DCTN5: variants seen among roughly 807,000 people sequenced by gnomAD.
DCTN5 encodes the protein dynactin 4.
A neutral mutation model predicts 23.5 loss-of-function variants in DCTN5; 14 were observed. That is an observed-to-expected ratio of 0.60 (90% CI 0.39 to 0.93). The LOEUF (loss-of-function observed/expected upper bound fraction) is 0.93, where lower values mean the gene tolerates loss of function less well. Among genes scored for constraint, DCTN5 ranks in the 40% least tolerant of loss-of-function variants. The pLI is 0.00. For missense variants in DCTN5, 156 were observed against 225.9 expected, an observed-to-expected ratio of 0.69 and a Z score of 1.98; for synonymous variants, 67 against 79.6, an observed-to-expected ratio of 0.84 and a Z score of 0.84.
rs188280564 is a variant in DCTN5, at chr16:23,650,132, G to A, written c.117+7109G>A. Among the ~76,000 whole-genome samples the A allele has an allele frequency of 2.6e-5, 4 of 152,216 alleles. No individual in the cohort carries two copies. In the East Asian group the frequency reaches 7.7e-4, roughly 29 times the overall value. On this transcript the variant is annotated intron_variant, in intron 2 of 5. Transcript: ENST00000300087. The stretch of plus-strand genomic sequence containing the variant: ...GCAGTATATTTTTAAGTCTGGCAGT[G>A]TGATGCCCCCTTCAGCTGTGTTCTT...
rs572213829 is a variant in DCTN5, at chr16:23,648,920, T to G, written c.117+5897T>G. 2.6e-4 allele frequency among the ~76,000 whole-genome samples: 40 copies of G among 152,212 alleles called. No homozygotes were observed. The East Asian group carries it at 5.8e-3, about 22-fold the overall frequency. On this transcript the variant is annotated intron_variant, in intron 2 of 5. Transcript: ENST00000300087. ...TTGCCCATGCTGGAGTGCAGTGGCG[T>G]GATGTCAGCTCACTGCAACCTCTGC...
rs1450633511 is a variant in DCTN5 at position 23,670,908 on chromosome 16, T to C, written c.*3764T>C. 1 of 152,226 alleles carries C rather than the reference T, an allele frequency of 6.6e-6. No homozygotes were observed. Among genetic ancestry groups the C allele is most frequent in the African/African-American group, 2.4e-5 (1 of 41,452 alleles). The allele number at this position is 152,226 out of a possible 1,614,324, so 9.4% of individuals were successfully genotyped here. ...GAGACACCATCACTCATTTATTCAT[T>C]TAACAAGTGCTTTCCAAGCCACTAC... On this transcript the variant is annotated 3_prime_UTR_variant, in exon 6 of 6. Transcript: ENST00000300087.
At position 23,674,047 on chromosome 16, in the gene DCTN5, C is replaced by G. The variant is rs927210009; in HGVS notation, c.*6903C>G. ...GCCATGCAGCATGCCTTCACTGCTG[C>G]TGAAGAAAAGCAGCTGCTTGTTGAG... On this transcript the variant is annotated 3_prime_UTR_variant, in exon 6 of 6. Transcript: ENST00000300087. 1 of 152,162 alleles carries G rather than the reference C, an allele frequency of 6.6e-6. No homozygotes were observed. Among genetic ancestry groups the G allele is most frequent in the Admixed American group, 6.5e-5 (1 of 15,284 alleles). The allele number at this position is 152,162 out of a possible 1,614,324, so 9.4% of individuals were successfully genotyped here. A position where few individuals can be genotyped will look rare whatever the true frequency, so the allele number is the denominator to read the frequency against.
At chr16:23,657,435 A>G in intron 2 of DCTN5, 1 of 412,184 alleles carries the variant, frequency 2.4e-6, no homozygotes. Context: ...CAGCCTGGGC[A>G]ACAGAGTGAG....
intron 1 of DCTN5, 65 bp downstream of exon 1, chr16:23,641,655 G>C (rs1967264086): frequency 2.0e-5 from 31 of 1,564,876 alleles, no homozygotes; most frequent in Non-Finnish European, 2.5e-5. Flanking sequence ...CCTGGTCGGC[G>C]TTCCCAACCT....
rs1376415144 is a variant in DCTN5, at chr16:23,673,364, C to T, written c.*6220C>T. The T allele has an allele frequency of 6.6e-6, 1 of 152,178 alleles. No individual in the cohort carries two copies. The highest frequency in any genetic ancestry group is 2.4e-5 in the African/African-American group (1 of 41,438). The allele number at this position is 152,178 out of a possible 1,614,324, so 9.4% of individuals were successfully genotyped here. The stretch of plus-strand genomic sequence containing the variant: ...TCCTGGGCTCAAGCGATCTTGGCCT[C>T]CCTAAGTGCTGGGATTACAGTCATG... On this transcript the variant is annotated 3_prime_UTR_variant, in exon 6 of 6. Transcript: ENST00000300087.
chr16:23,667,464 C>T lies in DCTN5; in HGVS notation c.*320C>T, dbSNP rs548181047. 4.9e-5 allele frequency: 15 copies of T among 303,490 alleles called. 1 individual carries two copies. The South Asian group carries it at 5.9e-4, about 12-fold the overall frequency. 18.8% of individuals were successfully genotyped at this position (303,490 alleles called of 1,614,324 possible). A position where few individuals can be genotyped will look rare whatever the true frequency, so the allele number is the denominator to read the frequency against. ...CCCTTGGTCCTGTGGATGGCTGGAT[C>T]CCGCCTGAAACGGACCTGCAGAGCA... On this transcript the variant is annotated 3_prime_UTR_variant, in exon 6 of 6. Transcript: ENST00000300087.
intron 2 of DCTN5, among the ~76,000 whole-genome samples, chr16:23,645,590 A>G (rs1027334676): frequency 3.3e-5 from 5 of 152,194 alleles, no homozygotes; most frequent in African/African-American, 1.2e-4. Context: ...GATAGCCTGA[A>G]TCTACTTTCT....
intron 2 of DCTN5, among the ~76,000 whole-genome samples, chr16:23,646,856 G>A (rs1357889756): frequency 3.3e-5 from 5 of 152,164 alleles, no homozygotes; most frequent in East Asian, 3.9e-4. Context: ...GATTACAGGC[G>A]TGAACCACTG....
rs1430629108 is a variant in DCTN5, at chr16:23,669,398, C to G, written c.*2254C>G. On this transcript the variant is annotated 3_prime_UTR_variant, in exon 6 of 6. Coordinates refer to ENST00000300087, the MANE Select transcript of DCTN5 (RefSeq NM_032486.4). ...TATTCTTGGGCTTCACAGTGTGGCC[C>G]CACAGCACCAGTTATTGATAAAAAG... The G allele has an allele frequency of 6.6e-6, 1 of 152,260 alleles. No homozygotes were observed. Among genetic ancestry groups the G allele is most frequent in the Non-Finnish European group, 1.5e-5 (1 of 68,120 alleles). 9.4% of individuals were successfully genotyped at this position (152,260 alleles called of 1,614,324 possible). A position where few individuals can be genotyped will look rare whatever the true frequency, so the allele number is the denominator to read the frequency against.
chr16:23,667,323 C>A lies in DCTN5; in HGVS notation c.*179C>A. On this transcript the variant is annotated 3_prime_UTR_variant, in exon 6 of 6. Coordinates refer to ENST00000300087, the MANE Select transcript of DCTN5 (RefSeq NM_032486.4). ...CTCTAAGTGCTTAAGAATTCACTAA[C>A]AGACAGACCATCTGGAGGAGCTGTC... 1.4e-6 allele frequency: 1 copy of A among 690,756 alleles called. No homozygotes were observed. The highest frequency in any genetic ancestry group is 2.4e-6 in the Non-Finnish European group (1 of 420,326). The allele number at this position is 690,756 out of a possible 1,614,324, so 42.8% of individuals were successfully genotyped here.
intron 2 of DCTN5, among the ~76,000 whole-genome samples, chr16:23,643,536 C>A (rs1967356391): frequency 6.6e-6 from 1 of 151,938 alleles, no homozygotes; most frequent in South Asian, 2.1e-4. Context: ...TAAGAGGCAA[C>A]AGAAAACCTT....
intron 2 of DCTN5, among the ~76,000 whole-genome samples, chr16:23,645,133 A>G (rs71374502): frequency 8.9e-5 from 2 of 22,412 alleles, no homozygotes; most frequent in Non-Finnish European, 7.4e-5. Flanking sequence ...ATATATATAT[A>G]TATATTTTTT....
Position 23,668,323 on chromosome 16 carries a change from A to G in DCTN5, c.*1179A>G, listed in dbSNP as rs887096355. On this transcript the variant is annotated 3_prime_UTR_variant, in exon 6 of 6. Coordinates refer to ENST00000300087, the MANE Select transcript of DCTN5 (RefSeq NM_032486.4). ...TTAATATCCAGTTGTGGGGTTTGCA[A>G]AACAAAACAGCTGTATGTAATCATT... The G allele has an allele frequency of 6.6e-6, 1 of 152,240 alleles. No homozygotes were observed. The highest frequency in any genetic ancestry group is 1.5e-5 in the Non-Finnish European group (1 of 68,048). 9.4% of individuals were successfully genotyped at this position (152,240 alleles called of 1,614,324 possible).
At chr16:23,659,938 G>T (rs1391997638) in intron 3 of DCTN5, among the ~76,000 whole-genome samples, 2 of 152,226 alleles carry the variant, frequency 1.3e-5, no homozygotes, top group Non-Finnish European at 2.9e-5. Context: ...TGAACAAGGG[G>T]TTTATTGCTG....
chr16:23,661,372 C>G, intron 4 of DCTN5, 91 bp downstream of exon 4: 4 of 867,754 alleles, frequency 4.6e-6, no homozygotes, highest in Non-Finnish European at 7.4e-6. Context: ...TGTGACTAAG[C>G]AGGGTAGCAG....
chr16:23,675,983 C>CGCCTGTACAG lies in DCTN5; in HGVS notation c.*8839_*8840insGCCTGTACAG, dbSNP rs1959220015. 2.0e-5 allele frequency: 3 copies of CGCCTGTACAG among 152,146 alleles called. No individual in the cohort carries two copies. Among genetic ancestry groups the CGCCTGTACAG allele is most frequent in the Admixed American group, 2.0e-4 (3 of 15,276 alleles). 9.4% of individuals were successfully genotyped at this position (152,146 alleles called of 1,614,324 possible). A position where few individuals can be genotyped will look rare whatever the true frequency, so the allele number is the denominator to read the frequency against. On this transcript the variant is annotated 3_prime_UTR_variant, in exon 6 of 6. Transcript: ENST00000300087. ...GAGTTCCCCTGGTAGGAGGTCTGTT[C>CGCCTGTACAG]ACCTGTACAGCCTAATGGATGTCCT...
intron 2 of DCTN5, among the ~76,000 whole-genome samples, chr16:23,654,414 T>C (rs761789066): frequency 6.6e-6 from 1 of 152,004 alleles, no homozygotes; most frequent in African/African-American, 2.4e-5. Flanking sequence ...TGAGAACACA[T>C]GGACACATAG....
chr16:23,676,075 GCTT>G lies in DCTN5; in HGVS notation c.*8934_*8936del, dbSNP rs1959220602. On this transcript the variant is annotated 3_prime_UTR_variant, in exon 6 of 6. Transcript: ENST00000300087. ...GTACCACCTGTGCCCCTGGGACTGT[GCTT>G]CTGTACATGACCACAACTCTCATGA... 1 of 152,116 alleles carries G rather than the reference GCTT, an allele frequency of 6.6e-6. No individual in the cohort carries two copies. 9.4% of individuals were successfully genotyped at this position (152,116 alleles called of 1,614,324 possible).
Sources: allele counts gnomAD v4.1 joint callset (sites outside exome capture counted in the v4.1 genomes callset), GRCh38; gene constraint gnomAD v4.1.1; transcripts MANE v1.5; gene names NCBI Gene and HGNC (gene_info 2026-07-23, HGNC 2026-07-21).